The following SIPA1L1 variants were observed in gnomAD, a reference collection of about 807,000 sequenced individuals.
The protein encoded by SIPA1L1 is signal-induced proliferation-associated 1-like protein 1.
A neutral mutation model predicts 162.7 loss-of-function variants in SIPA1L1; 26 were observed. That is an observed-to-expected ratio of 0.16 (90% confidence interval 0.12 to 0.22). SIPA1L1 has a LOEUF of 0.22. SIPA1L1 is among the 10% of genes least tolerant of loss of function. The probability of loss-of-function intolerance (pLI) is 1.00; values close to 1 mark genes in which losing one functional copy is unlikely to be tolerated. For synonymous variants in SIPA1L1, 829 were observed against 837.4 expected, an observed-to-expected ratio of 0.99 and a Z score of 0.17; for missense variants, 1,874 against 2,241.0, an observed-to-expected ratio of 0.84 and a Z score of 3.31.
intron 13 of SIPA1L1, among the ~76,000 whole-genome samples, chr14:71,698,396 G>A (rs1004795851): frequency 1.3e-5 from 2 of 152,190 alleles, no homozygotes; most frequent in Admixed American, 6.5e-5. Flanking sequence ...TATACATTCA[G>A]TAATTCTAGT....
chr14:71,596,718 A>G (rs118088870), intron 5 of SIPA1L1, among the ~76,000 whole-genome samples: 2,755 of 152,310 alleles, frequency 0.018, 43 homozygotes, highest in Middle Eastern at 0.048. Context: ...ATGGGAAGCT[A>G]TTAAACAGAC....
intron 2 of SIPA1L1, among the ~76,000 whole-genome samples, chr14:71,493,524 G>T (rs753838251): frequency 1.6e-4 from 24 of 152,210 alleles, no homozygotes; most frequent in Non-Finnish European, 3.1e-4. Flanking sequence ...TAACCAGAGT[G>T]ACTGAGGAGA....
At chr14:71,611,753 A>G (rs1278989719) in intron 5 of SIPA1L1, among the ~76,000 whole-genome samples, 1 of 152,170 alleles carries the variant, frequency 6.6e-6, no homozygotes, top group African/African-American at 2.4e-5. Context: ...TTATGACTAC[A>G]TAGTATTCCA....
intron 2 of SIPA1L1, among the ~76,000 whole-genome samples, chr14:71,422,318 A>G (rs2043243452): frequency 6.6e-6 from 1 of 152,228 alleles, no homozygotes; most frequent in East Asian, 1.9e-4. Context: ...TTTTTTAAAA[A>G]TATGAAACAA....
chr14:71,684,686 A>G (rs1385200387), intron 12 of SIPA1L1, among the ~76,000 whole-genome samples: 2 of 150,204 alleles, frequency 1.3e-5, no homozygotes, highest in Non-Finnish European at 3.0e-5. Flanking sequence ...GAGCCCAGTC[A>G]CGATGTGCAG....
chr14:71,602,240 G>A (rs534173099), intron 5 of SIPA1L1, among the ~76,000 whole-genome samples: 78 of 151,812 alleles, frequency 5.1e-4, no homozygotes, highest in African/African-American at 1.7e-3. Context: ...ATATCCCATC[G>A]GTTTTGTACA....
At chr14:71,464,514 G>A (rs943059027) in intron 2 of SIPA1L1, among the ~76,000 whole-genome samples, 37 of 152,178 alleles carry the variant, frequency 2.4e-4, no homozygotes, top group African/African-American at 8.4e-4. Context: ...GGTGGCACAC[G>A]TCTGGAATCC....
At chr14:71,620,194 C>G (rs145223543) in intron 6 of SIPA1L1, among the ~76,000 whole-genome samples, 1 of 152,106 alleles carries the variant, frequency 6.6e-6, no homozygotes, top group Non-Finnish European at 1.5e-5. Context: ...CTCAGCCTCC[C>G]GAGTAGCTGG....
chr14:71,577,069 CAAAAAAAA>C lies in SIPA1L1; in HGVS notation c.-302-10493_-302-10486del, dbSNP rs747771194. 2.7e-5 allele frequency among the ~76,000 whole-genome samples: 3 copies of C among 111,566 alleles called. No individual in the cohort carries two copies. The Admixed American group carries it at 2.7e-4, about 10-fold the overall frequency. The allele number at this position is 111,566 out of a possible 152,430, so 73.2% of individuals were successfully genotyped here. ...TTGCACTCCAGCCTGGGTGACAGAG[CAAAAAAAA>C]AAAAAAAAGAAGAAAAAGAAAATAA... On this transcript the variant is annotated intron_variant, in intron 4 of 23. Coordinates refer to ENST00000381232, the MANE Select transcript of SIPA1L1 (RefSeq NM_001386936.1).
intron 7 of SIPA1L1, among the ~76,000 whole-genome samples, chr14:71,628,299 A>G (rs533480456): frequency 1.3e-5 from 2 of 152,358 alleles, no homozygotes; most frequent in South Asian, 2.1e-4. Context: ...TGCAAGGGGA[A>G]TGAAAGATGA....
Position 71,542,652 on chromosome 14 carries a change from CCCT to C in SIPA1L1, c.-303+13294_-303+13296del, listed in dbSNP as rs1190021024. Among the ~76,000 whole-genome samples, 225 of 90,034 alleles carry C rather than the reference CCCT, an allele frequency of 2.5e-3. 2 individuals carry two copies. Among genetic ancestry groups the C allele is most frequent in the African/African-American group, 8.7e-3 (219 of 25,142 alleles). The allele number at this position is 90,034 out of a possible 152,430, so 59.1% of individuals were successfully genotyped here. ...CCCTTCTTCTTCCACTTCTTTCTTC[CCCT>C]CCTCCTCCTCCCTCCTCCTCCTCCT... On this transcript the variant is annotated intron_variant, in intron 4 of 23. Transcript: ENST00000381232.
intron 2 of SIPA1L1, among the ~76,000 whole-genome samples, chr14:71,413,270 G>A (rs2042535450): frequency 6.6e-6 from 1 of 152,220 alleles, no homozygotes; most frequent in Non-Finnish European, 1.5e-5. Flanking sequence ...CCATAGGCAT[G>A]TGATGGACCA....
chr14:71,698,894 C>T, intron 13 of SIPA1L1, 87 bp from the exon 14 acceptor site: 1 of 1,352,828 alleles, frequency 7.4e-7, no homozygotes, highest in Non-Finnish European at 1.0e-6. Flanking sequence ...CTGTTTTTGT[C>T]ACATTTATAT....
intron 19 of SIPA1L1, among the ~76,000 whole-genome samples, chr14:71,729,677 C>T (rs185355308): frequency 2.0e-5 from 3 of 152,208 alleles, no homozygotes; most frequent in East Asian, 1.9e-4. Flanking sequence ...TTTGTGCTCC[C>T]GTTGTACAAA....
At chr14:71,405,892 C>T (rs1404305308) in intron 2 of SIPA1L1, among the ~76,000 whole-genome samples, 1 of 152,160 alleles carries the variant, frequency 6.6e-6, no homozygotes, top group Non-Finnish European at 1.5e-5. Context: ...ATATCTGAGG[C>T]CATGGGAACA....
At chr14:71,429,731 A>G (rs1459779303) in intron 2 of SIPA1L1, among the ~76,000 whole-genome samples, 1 of 152,116 alleles carries the variant, frequency 6.6e-6, no homozygotes, top group Non-Finnish European at 1.5e-5. Flanking sequence ...CTATATGTTT[A>G]TATGTGGAGA....
chr14:71,473,290 A>G (rs1309083084), intron 2 of SIPA1L1, among the ~76,000 whole-genome samples: 1 of 152,200 alleles, frequency 6.6e-6, no homozygotes. Context: ...TTATAACATA[A>G]TATATAACTG....
At chr14:71,473,421 T>A (rs1302625560) in intron 2 of SIPA1L1, among the ~76,000 whole-genome samples, 1 of 152,190 alleles carries the variant, frequency 6.6e-6, no homozygotes, top group Non-Finnish European at 1.5e-5. Context: ...AGTTTAGAAA[T>A]AGTTTCAGAA....
chr14:71,352,968 C>G (rs923107887), intron 2 of SIPA1L1, among the ~76,000 whole-genome samples: 1 of 152,106 alleles, frequency 6.6e-6, no homozygotes, highest in African/African-American at 2.4e-5. Context: ...TTTTGAACCA[C>G]TTTTTGGTGT....
Sources: allele counts gnomAD v4.1 joint callset (sites outside exome capture counted in the v4.1 genomes callset), GRCh38; gene constraint gnomAD v4.1.1; transcripts MANE v1.5; gene names NCBI Gene and HGNC (gene_info 2026-07-23, HGNC 2026-07-21).